The following AQP7 variants were observed in gnomAD, a reference collection of about 807,000 sequenced individuals.
The protein encoded by AQP7 is aquaporin-7.
In AQP7, 22 loss-of-function variants were observed where a neutral mutation model predicts 26.1. The ratio of observed to expected loss-of-function variants is 0.84; its 90% confidence interval spans 0.60 to 1.20. The LOEUF is 1.20. Ranked by LOEUF, AQP7 falls within the 50% of genes most tolerant of loss-of-function variation. The probability of loss-of-function intolerance (pLI) is 0.00; values close to 1 mark genes in which losing one functional copy is unlikely to be tolerated. For synonymous variants in AQP7, 167 were observed against 181.7 expected, an observed-to-expected ratio of 0.92 and a Z score of 0.65; for missense variants, 412 against 457.5, an observed-to-expected ratio of 0.90 and a Z score of 0.91.
At chr9:33,394,276 C>T (rs1277319158) in intron 3 of AQP7, 1 of 152,398 alleles carries the variant, frequency 6.6e-6, no homozygotes, top group African/African-American at 2.4e-5. Flanking sequence ...ATCACCTTCT[C>T]TCTGTCCCAG....
At position 33,386,413 on chromosome 9, in the gene AQP7, G is replaced by T; in HGVS notation, c.397C>A (p.Leu133Ile). 6.2e-7 allele frequency: 1 copy of T among 1,610,810 alleles called. No homozygotes were observed. ...SFLAAATIYS[L>I]FYTAILHFSG... The stretch of plus-strand genomic sequence containing the variant: ...CGGGCAGGATACTCACTGTAGAAGA[G>T]ACTGTAGATGGTGGCAGCCGCCAGG... The change falls in exon 5 of 8, where the codon CTC becomes ATC. Residue 133 changes from leucine to isoleucine, a missense_variant. Leu to Ile is a conservative substitution (Grantham distance 5, BLOSUM62 2). Coordinates refer to ENST00000297988, the MANE Select transcript of AQP7 (RefSeq NM_001170.3).
In AQP7 at chr9:33,400,681, T is replaced by C. The variant is rs542090984; in HGVS notation, c.26+556A>G. On this transcript the variant is annotated intron_variant, in intron 2 of 7. Coordinates refer to ENST00000297988, the MANE Select transcript of AQP7 (RefSeq NM_001170.3). ...GTGTGGTAGTGTGTGCTTGTAATCC[T>C]GTAATCACAGCTACTCAGGAGGCTG... 4.0e-4 allele frequency among the ~76,000 whole-genome samples: 61 copies of C among 152,268 alleles called. 1 individual carries two copies. The South Asian group carries it at 0.012, about 31-fold the overall frequency.
At chr9:33,388,490 T>C (rs946836417) in intron 3 of AQP7, among the ~76,000 whole-genome samples, 3 of 152,218 alleles carry the variant, frequency 2.0e-5, no homozygotes, top group Non-Finnish European at 4.4e-5. Flanking sequence ...TAGGCCACCA[T>C]TGAAGACCCT....
rs368432936 is a variant in AQP7, at chr9:33,385,021, G to A, written c.1013C>T (p.Ala338Val). The A allele has an allele frequency of 4.3e-6, 7 of 1,611,362 alleles. No individual in the cohort carries two copies. Among genetic ancestry groups the A allele is most frequent in the African/African-American group, 1.3e-5 (1 of 74,822 alleles). Reference protein sequence around the residue: ...HPAPPLHESMALEHF With the variant: ...HPAPPLHESMVLEHF ...AATCTCTGCTTAGAAGTGCTCTAGG[G>A]CCATGGATTCATGTAAGGGTGGGGC... Residue 338 changes from alanine to valine, a missense_variant, in exon 8 of 8, where the codon GCC becomes GTC. Physicochemically the swap from Ala to Val is moderately conservative, Grantham distance 64. Coordinates refer to ENST00000297988, the MANE Select transcript of AQP7 (RefSeq NM_001170.3).
chr9:33,401,611 G>A, intron 1 of AQP7: 2 of 381,168 alleles, frequency 5.2e-6, no homozygotes, highest in Non-Finnish European at 1.0e-5. Context: ...CCTCATATTT[G>A]CGTGCTATAC....
chr9:33,395,189 G>C lies in AQP7; in HGVS notation c.33C>G (p.Thr11=). 1 of 1,613,230 alleles carries C rather than the reference G, an allele frequency of 6.2e-7. No individual in the cohort carries two copies. Among genetic ancestry groups the C allele is most frequent in the Non-Finnish European group, 8.5e-7 (1 of 1,179,232 alleles). Residue 11 remains threonine (T), a synonymous_variant, in exon 3 of 8, where the codon ACC becomes ACG. Coordinates refer to ENST00000297988, the MANE Select transcript of AQP7 (RefSeq NM_001170.3). Reference sequence around the variant, plus strand: ...ACCAGGAGACCATTTTGGAGCCACGGGTGGACCTAAGACAGTGGCCCGAGC... The same window carrying C: ...ACCAGGAGACCATTTTGGAGCCACGCGTGGACCTAAGACAGTGGCCCGAGC... MVQASGHRRS[T]RGSKMVSWSV...
At chr9:33,392,802 G>C (rs537568750) in intron 3 of AQP7, among the ~76,000 whole-genome samples, 2 of 152,312 alleles carry the variant, frequency 1.3e-5, no homozygotes, top group African/African-American at 4.8e-5. Context: ...AGAGGAGAGA[G>C]CAGCTAGAGC....
chr9:33,400,746 A>G (rs1422267436), intron 2 of AQP7, among the ~76,000 whole-genome samples: 4 of 151,906 alleles, frequency 2.6e-5, no homozygotes, highest in Non-Finnish European at 4.4e-5. Flanking sequence ...AGGAGGTTGC[A>G]GTGAGCCAAG....
chr9:33,398,971 T>TA (rs1325743986), intron 2 of AQP7, among the ~76,000 whole-genome samples: 1 of 123,470 alleles, frequency 8.1e-6, no homozygotes, highest in Non-Finnish European at 1.7e-5. Context: ...TTTTTCTTTT[T>TA]CCTTTTTTTT....
intron 2 of AQP7, among the ~76,000 whole-genome samples, chr9:33,399,927 G>A (rs916528410): frequency 6.6e-6 from 1 of 152,092 alleles, no homozygotes; most frequent in African/African-American, 2.4e-5. Context: ...TGGGGGAGAG[G>A]GAAGTATGAA....
intron 3 of AQP7, among the ~76,000 whole-genome samples, chr9:33,390,101 C>T (rs202093727): frequency 3.3e-5 from 5 of 150,598 alleles, no homozygotes; most frequent in African/African-American, 7.3e-5. Flanking sequence ...TTCGAGAACT[C>T]GCCTGAGGAG....
At position 33,386,399 on chromosome 9, in the gene AQP7, C is replaced by T. The variant is rs1179273231; in HGVS notation, c.406+5G>A. Reference sequence around the variant, plus strand: ...CAGAGGCGGACACCCGGGCAGGATACTCACTGTAGAAGAGACTGTAGATGG... The same window carrying T: ...CAGAGGCGGACACCCGGGCAGGATATTCACTGTAGAAGAGACTGTAGATGG... On this transcript the variant is annotated splice_donor_5th_base_variant and intron_variant, in intron 5 of 7. Transcript: ENST00000297988. 3 of 1,610,540 alleles carry T rather than the reference C, an allele frequency of 1.9e-6. No individual in the cohort carries two copies. The highest frequency in any genetic ancestry group is 1.7e-5 in the Admixed American group (1 of 59,452).
At chr9:33,390,888 G>A (rs188963586) in intron 3 of AQP7, among the ~76,000 whole-genome samples, 4 of 152,212 alleles carry the variant, frequency 2.6e-5, no homozygotes, top group Admixed American at 2.0e-4. Context: ...GAGGCAGGCC[G>A]ATCATGAGGT....
chr9:33,385,708 G>T lies in AQP7; in HGVS notation c.684C>A (p.Ser228=), dbSNP rs749338102. The change falls in exon 7 of 8, where the codon TCC becomes TCA. Residue 228 remains serine, a synonymous_variant. Coordinates refer to ENST00000297988, the MANE Select transcript of AQP7 (RefSeq NM_001170.3). ...GMNTGYAINP[S]RDLPPRIFTF... ...TGAAGATGCGGGGGGGCAGGTCCCG[G>T]GACGGGTTGATGGCATATCCTGTGT... 1 of 1,613,960 alleles carries T rather than the reference G, an allele frequency of 6.2e-7. No homozygotes were observed.
intron 2 of AQP7, among the ~76,000 whole-genome samples, chr9:33,400,843 T>C (rs1477677522): frequency 1.3e-5 from 2 of 149,040 alleles, no homozygotes; most frequent in African/African-American, 4.9e-5. Flanking sequence ...TCAGTGTGGC[T>C]GGAGGAGGGA....
intron 1 of AQP7, chr9:33,401,548 C>G (rs1826284402): frequency 2.0e-6 from 1 of 510,664 alleles, no homozygotes; most frequent in Admixed American, 3.2e-5. Context: ...TCCGTGTCTG[C>G]AGCCCGGCTT....
intron 1 of AQP7, chr9:33,401,965 G>A (rs1014101100): frequency 1.3e-5 from 2 of 152,480 alleles, no homozygotes; most frequent in African/African-American, 4.8e-5. Context: ...GGACTGCGTG[G>A]GAGGAATGAC....
At position 33,384,295 on chromosome 9, in the gene AQP7, GAAGA is replaced by G. The variant is rs1434347217; in HGVS notation, c.*706_*709del. 2 of 152,150 alleles carry G rather than the reference GAAGA, an allele frequency of 1.3e-5. No homozygotes were observed. The highest frequency in any genetic ancestry group is 3.9e-4 in the East Asian group (2 of 5,190). 9.4% of individuals were successfully genotyped at this position (152,150 alleles called of 1,614,324 possible). ...TGTGGGAGCACTCTGGCACCAGGAA[GAAGA>G]AAGAGGAGCCCAACCCCTTAACAGC... is the stretch of plus-strand genomic sequence containing the variant. On this transcript the variant is annotated 3_prime_UTR_variant, in exon 8 of 8. Coordinates refer to ENST00000297988, the MANE Select transcript of AQP7 (RefSeq NM_001170.3).
intron 3 of AQP7, among the ~76,000 whole-genome samples, chr9:33,390,027 C>CAAAAAAAAAAAAAAA (rs778333672): frequency 1.3e-5 from 1 of 78,626 alleles, no homozygotes; most frequent in Admixed American, 1.4e-4. Flanking sequence ...GACTCCGTCT[C>CAAAAAAAAAAAAAAA]AAAAAAAAAA....
Sources: gnomAD v4.1 joint callset for allele counts (sites outside exome capture counted in the v4.1 genomes callset) on GRCh38, gnomAD v4.1.1 for gene constraint, MANE v1.5 for transcripts, NCBI Gene and HGNC (gene_info 2026-07-23, HGNC 2026-07-21) for gene names.